GALNT13: variants seen among roughly 807,000 people sequenced by gnomAD.
GALNT13 encodes the protein UDP-GalNAc:polypeptide N-acetylgalactosaminyltransferase 13.
Under a neutral mutation model 64.2 loss-of-function variants are expected in GALNT13, and 28 were observed. That is an observed-to-expected ratio of 0.44 (90% CI 0.32 to 0.60). GALNT13 has a LOEUF of 0.60. Ranked by LOEUF, GALNT13 falls within the 20% of genes least tolerant of loss-of-function variation. GALNT13 has a pLI of 0.05. For missense variants in GALNT13, 577 were observed against 669.8 expected (o/e 0.86, Z 1.53); for synonymous variants, 214 against 224.6 (o/e 0.95, Z 0.42).
intron 3 of GALNT13, among the ~76,000 whole-genome samples, chr2:154,065,639 A>G (rs1404511687): frequency 1.3e-5 from 2 of 152,236 alleles, no homozygotes; most frequent in Non-Finnish European, 2.9e-5. Flanking sequence ...TGAGTCCACA[A>G]GAGCCATAGC....
downstream of GALNT13, among the ~76,000 whole-genome samples, chr2:154,455,518 A>T (rs1165879620): frequency 6.6e-6 from 1 of 152,168 alleles, no homozygotes; most frequent in Non-Finnish European, 1.5e-5. Flanking sequence ...TTAGCTCTAA[A>T]GGCAGCTTGT....
the GALNT13 span, among the ~76,000 whole-genome samples, chr2:153,394,225 A>T: frequency 2.0e-5 from 3 of 152,066 alleles, no homozygotes; most frequent in African/African-American, 7.2e-5. Flanking sequence ...GTTTGGTGAG[A>T]ATTAAATCTT....
chr2:154,176,516 T>G (rs539091258), intron 4 of GALNT13, among the ~76,000 whole-genome samples: 13 of 152,054 alleles, frequency 8.5e-5, no homozygotes, highest in Non-Finnish European at 1.6e-4. Flanking sequence ...CCTCCCAAAG[T>G]GCTGGGATTA....
chr2:153,133,827 A>G, the GALNT13 span, among the ~76,000 whole-genome samples: 1 of 152,144 alleles, frequency 6.6e-6, no homozygotes, highest in Non-Finnish European at 1.5e-5. Context: ...GTGTATTGAG[A>G]CCTGCAGCCT....
Position 154,023,752 on chromosome 2 carries a change from T to G in GALNT13, c.142+79113T>G, listed in dbSNP as rs532775514. On this transcript the variant is annotated intron_variant, in intron 3 of 12. Coordinates refer to ENST00000392825, the MANE Select transcript of GALNT13 (RefSeq NM_052917.4). ...TCCTGTCATTATGATGTTAGCTGGT[T>G]ATTTTGCTCGTTAGTTGATGCAGTT... Among the ~76,000 whole-genome samples the G allele has an allele frequency of 7.2e-5, 11 of 152,318 alleles. No homozygotes were observed. In the South Asian group the frequency reaches 1.7e-3, roughly 23 times the overall value.
chr2:153,222,201 T>G, the GALNT13 span, among the ~76,000 whole-genome samples: 2 of 143,104 alleles, frequency 1.4e-5, no homozygotes, highest in Non-Finnish European at 3.1e-5. Context: ...GCTCCTTTCC[T>G]CAGGCAGGTC....
intron 2 of GALNT13, among the ~76,000 whole-genome samples, chr2:153,903,695 T>G (rs987902911): frequency 1.5e-4 from 22 of 144,564 alleles, no homozygotes; most frequent in Middle Eastern, 3.8e-3. Flanking sequence ...GAATTTTAAA[T>G]AAAAGTTATG....
chr2:153,745,267 G>T, the GALNT13 span, among the ~76,000 whole-genome samples: 1 of 152,092 alleles, frequency 6.6e-6, no homozygotes, highest in South Asian at 2.1e-4. Flanking sequence ...AACAGGTTAT[G>T]TACAAAAAAG....
At chr2:154,290,809 CCTT>C (rs1692572273) in intron 8 of GALNT13, among the ~76,000 whole-genome samples, 1 of 152,074 alleles carries the variant, frequency 6.6e-6, no homozygotes, top group Admixed American at 6.5e-5. Flanking sequence ...AGAGTTTCCT[CCTT>C]CTGGTGCGTT....
At position 154,452,668 on chromosome 2, in the gene GALNT13, A is replaced by G. The variant is rs1701915524; in HGVS notation, c.*2117A>G. On this transcript the variant is annotated 3_prime_UTR_variant, in exon 13 of 13. Coordinates refer to ENST00000392825, the MANE Select transcript of GALNT13 (RefSeq NM_052917.4). Reference sequence around the variant, plus strand: ...TGGTCATGGTGAGAAAACTAAAACTACATGAGTTTCATGTTAGAAAAGAAT... The same window carrying G: ...TGGTCATGGTGAGAAAACTAAAACTGCATGAGTTTCATGTTAGAAAAGAAT... 1.3e-5 allele frequency: 2 copies of G among 152,308 alleles called. No individual in the cohort carries two copies. The highest frequency in any genetic ancestry group is 1.9e-4 in the East Asian group (1 of 5,186). The allele number at this position is 152,308 out of a possible 1,614,324, so 9.4% of individuals were successfully genotyped here.
intron 11 of GALNT13, among the ~76,000 whole-genome samples, chr2:154,428,982 C>T (rs1272000124): frequency 6.6e-6 from 1 of 152,060 alleles, no homozygotes; most frequent in African/African-American, 2.4e-5. Context: ...CAACAGTGAA[C>T]TTAACTGATG....
At chr2:153,877,727 G>A (rs1464673915) in intron 1 of GALNT13, among the ~76,000 whole-genome samples, 1 of 151,990 alleles carries the variant, frequency 6.6e-6, no homozygotes, top group South Asian at 2.1e-4. Context: ...TTAGTTTAAA[G>A]AAAGAAAAAT....
chr2:153,582,125 T>A, the GALNT13 span, among the ~76,000 whole-genome samples: 1 of 152,284 alleles, frequency 6.6e-6, no homozygotes, highest in Non-Finnish European at 1.5e-5. Context: ...AAATGCTTGT[T>A]GTTTCTGGAT....
At chr2:153,533,723 C>CTT in the GALNT13 span, among the ~76,000 whole-genome samples, 890 of 48,574 alleles carry the variant, frequency 0.018, 127 homozygotes, top group African/African-American at 0.073. Context: ...TGAGGTTTTT[C>CTT]TTTTTTTTTT....
intron 4 of GALNT13, among the ~76,000 whole-genome samples, chr2:154,238,067 C>T (rs184607868): frequency 6.6e-6 from 1 of 152,070 alleles, no homozygotes; most frequent in Non-Finnish European, 1.5e-5. Flanking sequence ...AATGTAGAAT[C>T]ATGAGTTCAT....
At chr2:154,357,163 C>G (rs943499936) in intron 9 of GALNT13, among the ~76,000 whole-genome samples, 1 of 151,986 alleles carries the variant, frequency 6.6e-6, no homozygotes, top group East Asian at 1.9e-4. Flanking sequence ...GTTGCTGCAT[C>G]TACACATTAA....
intron 8 of GALNT13, among the ~76,000 whole-genome samples, chr2:154,277,233 A>G (rs1382356607): frequency 1.3e-5 from 2 of 152,138 alleles, no homozygotes; most frequent in African/African-American, 4.8e-5. Flanking sequence ...TGAGCCTATT[A>G]TTTTTATATA....
chr2:154,091,800 T>C (rs910451862), intron 3 of GALNT13, among the ~76,000 whole-genome samples: 4 of 151,902 alleles, frequency 2.6e-5, no homozygotes, highest in Non-Finnish European at 4.4e-5. Context: ...TTCCACTATA[T>C]TGAGGTAATT....
chr2:153,359,458 T>C, the GALNT13 span, among the ~76,000 whole-genome samples: 1 of 150,862 alleles, frequency 6.6e-6, no homozygotes, highest in Non-Finnish European at 1.5e-5. Context: ...CAAAATTGAG[T>C]AAAACAGGAA....
Sources: allele counts gnomAD v4.1 joint callset (sites outside exome capture counted in the v4.1 genomes callset), GRCh38; gene constraint gnomAD v4.1.1; transcripts MANE v1.5; gene names NCBI Gene and HGNC (gene_info 2026-07-23, HGNC 2026-07-21).